NEGR1: variants seen among roughly 807,000 people sequenced by gnomAD.
NEGR1 encodes IgLON family member 4.
In NEGR1, 10 loss-of-function variants were observed where a neutral mutation model predicts 40.9. The ratio of observed to expected loss-of-function variants is 0.24; its 90% CI spans 0.15 to 0.42. The LOEUF is 0.42. Ranked by LOEUF, NEGR1 falls within the 10% of genes least tolerant of loss-of-function variation. NEGR1 has a pLI of 1.00. For synonymous variants in NEGR1, 185 were observed against 166.8 expected, an observed-to-expected ratio of 1.11 and a Z score of -0.84; for missense variants, 352 against 438.9, an observed-to-expected ratio of 0.80 and a Z score of 1.77.
At chr1:72,178,971 G>C (rs561055069) in intron 1 of NEGR1, among the ~76,000 whole-genome samples, 1 of 151,914 alleles carries the variant, frequency 6.6e-6, no homozygotes, top group East Asian at 1.9e-4. Context: ...TGCATAGTTT[G>C]TAAATATCTT....
chr1:72,026,110 C>CAAAA lies in NEGR1; in HGVS notation c.177-90803_177-90800dup, dbSNP rs1172589239. ...TGGGCGACAGAGCGAGACTCCGTCT[C>CAAAA]AAAAAAAAAAAAAAAAAAAAAAAAA... On this transcript the variant is annotated intron_variant, in intron 1 of 6. Transcript: ENST00000357731. Among the ~76,000 whole-genome samples the CAAAA allele has an allele frequency of 2.8e-3, 86 of 31,150 alleles. 2 individuals carry two copies. The highest frequency in any genetic ancestry group is 8.8e-3 in the East Asian group (8 of 906). 20.4% of individuals were successfully genotyped at this position (31,150 alleles called of 152,430 possible).
chr1:71,432,000 C>G (rs1210272317), intron 6 of NEGR1, among the ~76,000 whole-genome samples: 3 of 152,056 alleles, frequency 2.0e-5, no homozygotes, highest in African/African-American at 7.2e-5. Flanking sequence ...ACAATGAAAC[C>G]AGAATGGCTG....
intron 6 of NEGR1, among the ~76,000 whole-genome samples, chr1:71,573,961 T>C (rs1337666914): frequency 6.6e-6 from 1 of 152,212 alleles, no homozygotes; most frequent in Non-Finnish European, 1.5e-5. Flanking sequence ...CACTCCTTTA[T>C]GGGTCTCTTG....
At chr1:72,028,245 T>C (rs926923278) in intron 1 of NEGR1, among the ~76,000 whole-genome samples, 3 of 152,208 alleles carry the variant, frequency 2.0e-5, no homozygotes, top group Admixed American at 6.5e-5. Context: ...TCATCTTTCA[T>C]AGTGGCCATT....
intron 6 of NEGR1, among the ~76,000 whole-genome samples, chr1:71,428,409 A>G (rs922955475): frequency 6.6e-6 from 1 of 152,214 alleles, no homozygotes; most frequent in African/African-American, 2.4e-5. Flanking sequence ...ACATTCATTT[A>G]TCTATAAAAC....
At chr1:72,066,470 T>C (rs752716808) in intron 1 of NEGR1, among the ~76,000 whole-genome samples, 7 of 152,198 alleles carry the variant, frequency 4.6e-5, no homozygotes, top group Non-Finnish European at 1.0e-4. Context: ...TTAACTGTTA[T>C]GAACTGATTT....
At position 71,927,809 on chromosome 1, in the gene NEGR1, C is replaced by A. The variant is rs569185380; in HGVS notation, c.409+7270G>T. Among the ~76,000 whole-genome samples, 739 of 89,362 alleles carry A rather than the reference C, an allele frequency of 8.3e-3. 3 individuals are homozygous for A. The highest frequency in any genetic ancestry group is 0.011 in the Non-Finnish European group (564 of 51,816). The allele number at this position is 89,362 out of a possible 152,430, so 58.6% of individuals were successfully genotyped here. A position where few individuals can be genotyped will look rare whatever the true frequency, so the allele number is the denominator to read the frequency against. ...GACCAGCATGGGCAACATGGCAAGA[C>A]CCAATCTCTAAAAAAAAAAAAAAAA... On this transcript the variant is annotated intron_variant, in intron 2 of 6. Transcript: ENST00000357731.
intron 2 of NEGR1, among the ~76,000 whole-genome samples, chr1:71,908,166 A>AT (rs914892111): frequency 3.0e-4 from 45 of 151,500 alleles, no homozygotes; most frequent in African/African-American, 1.1e-3. Flanking sequence ...AAAAGTTGAA[A>AT]TTGTTTATAA....
intron 1 of NEGR1, among the ~76,000 whole-genome samples, chr1:72,173,987 T>C (rs1652067197): frequency 6.6e-6 from 1 of 152,064 alleles, no homozygotes; most frequent in South Asian, 2.1e-4. Flanking sequence ...GCTAATAAAG[T>C]TGTAACTTCC....
chr1:71,476,287 C>A (rs1217396891), intron 6 of NEGR1, among the ~76,000 whole-genome samples: 1 of 152,082 alleles, frequency 6.6e-6, no homozygotes, highest in Non-Finnish European at 1.5e-5. Context: ...TGACTTGCAT[C>A]TTTCCTTTCT....
At chr1:72,154,437 G>A (rs1651284343) in intron 1 of NEGR1, among the ~76,000 whole-genome samples, 1 of 151,930 alleles carries the variant, frequency 6.6e-6, no homozygotes, top group Non-Finnish European at 1.5e-5. Flanking sequence ...AACTCGGAAA[G>A]CTCTCACTTT....
chr1:72,239,243 C>CAAAG (rs1654657553), intron 1 of NEGR1, among the ~76,000 whole-genome samples: 1 of 151,762 alleles, frequency 6.6e-6, no homozygotes, highest in South Asian at 2.1e-4. Flanking sequence ...TTTTCATGAT[C>CAAAG]AAAGATGCTT....
chr1:71,637,594 A>G (rs562443601), intron 4 of NEGR1, among the ~76,000 whole-genome samples: 1 of 152,170 alleles, frequency 6.6e-6, no homozygotes, highest in South Asian at 2.1e-4. Context: ...AAATTTGTAC[A>G]TGATATGTAA....
At chr1:71,994,814 C>A (rs930056981) in intron 1 of NEGR1, among the ~76,000 whole-genome samples, 1 of 151,970 alleles carries the variant, frequency 6.6e-6, no homozygotes, top group African/African-American at 2.4e-5. Context: ...TCCTGTATGG[C>A]AGTCTAGGAG....
At chr1:71,731,256 T>C (rs1198814171) in intron 3 of NEGR1, among the ~76,000 whole-genome samples, 1 of 152,172 alleles carries the variant, frequency 6.6e-6, no homozygotes, top group African/African-American at 2.4e-5. Context: ...TATGACATAT[T>C]TTGTAGAATA....
chr1:71,894,014 T>G (rs1660886915), intron 2 of NEGR1, among the ~76,000 whole-genome samples: 1 of 89,088 alleles, frequency 1.1e-5, no homozygotes, highest in East Asian at 4.2e-4. Context: ...TAGGTGGGAA[T>G]TGAACAATGA....
chr1:71,656,055 A>C (rs1651862882), intron 4 of NEGR1, among the ~76,000 whole-genome samples: 1 of 152,216 alleles, frequency 6.6e-6, no homozygotes, highest in Non-Finnish European at 1.5e-5. Context: ...CCCATTTATA[A>C]CTGAAGAAAA....
chr1:71,759,826 T>C (rs1381118388), intron 3 of NEGR1, among the ~76,000 whole-genome samples: 1 of 151,354 alleles, frequency 6.6e-6, no homozygotes, highest in Non-Finnish European at 1.5e-5. Context: ...CCCTGACTGG[T>C]CTTGAACTCC....
chr1:71,573,616 T>A (rs958353930), intron 6 of NEGR1: 4 of 152,202 alleles, frequency 2.6e-5, no homozygotes, highest in African/African-American at 9.6e-5. Context: ...AATGAGCTGA[T>A]CATGCCAATA....
Sources: allele counts gnomAD v4.1 joint callset (sites outside exome capture counted in the v4.1 genomes callset), GRCh38; gene constraint gnomAD v4.1.1; transcripts MANE v1.5; gene names NCBI Gene and HGNC (gene_info 2026-07-23, HGNC 2026-07-21).